Variants in KIF14 observed in about 807,000 individuals in gnomAD.
KIF14 encodes kinesin-like protein KIF14.
In KIF14, 98 loss-of-function variants were observed where a neutral mutation model predicts 176.2. That is an observed-to-expected ratio of 0.56 (90% CI 0.47 to 0.66). The LOEUF (loss-of-function observed/expected upper bound fraction) is 0.66, where lower values mean the gene tolerates loss of function less well. KIF14 is among the 30% of genes least tolerant of loss of function. KIF14 has a pLI of 0.00. For missense variants in KIF14, 1,751 were observed against 1,920.4 expected (o/e 0.91, Z 1.65); for synonymous variants, 566 against 632.2 (o/e 0.90, Z 1.57).
chr1:200,617,847 G>C lies in KIF14; in HGVS notation c.877C>G (p.Leu293Val). The C allele has an allele frequency of 1.9e-6, 3 of 1,614,176 alleles. No homozygotes were observed. The highest frequency in any genetic ancestry group is 2.5e-6 in the Non-Finnish European group (3 of 1,180,026). ...GGAGCTGGGCTCTTAAGCTGAGGCAGGCTGCACTTTGTTGTCAGTTTGTGT... is the reference window on the plus strand; with the variant it reads ...GGAGCTGGGCTCTTAAGCTGAGGCACGCTGCACTTTGTTGTCAGTTTGTGT... ...TEHKLTTKCS[L>V]PQLKSPAPSI... is the part of the protein sequence containing the mutation. The change falls in exon 2 of 30, where the codon CTG becomes GTG. Residue 293 changes from leucine to valine, a missense_variant. By Grantham distance (32) the Leu-to-Val change is conservative (BLOSUM62 1). Coordinates refer to ENST00000367350, the MANE Select transcript of KIF14 (RefSeq NM_014875.3).
At chr1:200,601,196 T>G (rs1659608975) in intron 11 of KIF14, among the ~76,000 whole-genome samples, 1 of 152,160 alleles carries the variant, frequency 6.6e-6, no homozygotes, top group South Asian at 2.1e-4. Flanking sequence ...AATACTTATT[T>G]TTAATGAAAA....
intron 22 of KIF14, among the ~76,000 whole-genome samples, chr1:200,573,076 T>C (rs1657897193): frequency 2.0e-5 from 3 of 152,306 alleles, no homozygotes; most frequent in South Asian, 4.1e-4. Flanking sequence ...CCCACCGTAA[T>C]AGGAGCTTTA....
intron 19 of KIF14, among the ~76,000 whole-genome samples, chr1:200,582,183 T>G (rs1255030771): frequency 6.6e-6 from 1 of 152,104 alleles, no homozygotes; most frequent in East Asian, 1.9e-4. Flanking sequence ...AAGGCTTGCC[T>G]GGGCAATATA....
At chr1:200,605,571 AT>A (rs2102744027) in intron 7 of KIF14, among the ~76,000 whole-genome samples, 181 bp from the exon 8 acceptor site, 1 of 152,014 alleles carries the variant, frequency 6.6e-6, no homozygotes, top group African/African-American at 2.4e-5. Flanking sequence ...AAATGAGTAA[AT>A]ATTTATCTTT....
At chr1:200,578,686 G>A (rs1658267158) in intron 21 of KIF14, among the ~76,000 whole-genome samples, 1 of 151,194 alleles carries the variant, frequency 6.6e-6, no homozygotes, top group African/African-American at 2.4e-5. Flanking sequence ...ATAACAAAAT[G>A]AAACCAACAA....
chr1:200,583,893 G>T (rs975941211), intron 19 of KIF14, among the ~76,000 whole-genome samples: 6 of 150,620 alleles, frequency 4.0e-5, no homozygotes, highest in African/African-American at 1.2e-4. Context: ...AGTGAGCCAA[G>T]ATCACACCAC....
intron 1 of KIF14, among the ~76,000 whole-genome samples, chr1:200,619,843 G>A (rs1411157086): frequency 2.0e-5 from 3 of 152,324 alleles, no homozygotes; most frequent in East Asian, 1.9e-4. Flanking sequence ...AGACAGAGGT[G>A]TATGTAAATA....
At chr1:200,606,845 C>A (rs1659907907) in intron 5 of KIF14, 47 bp from the exon 6 acceptor site, 1 of 1,410,204 alleles carries the variant, frequency 7.1e-7, no homozygotes, top group African/African-American at 1.4e-5. Flanking sequence ...ACAAATATTT[C>A]ATGTAACTTG....
At position 200,565,812 on chromosome 1, in the gene KIF14, T is replaced by G. The variant is rs965988098; in HGVS notation, c.3662-143A>C. ...AAGCATTTTTGTGTTCACTGTGGAA[T>G]TAGAAAAACAAAACTATTAGTATAT... is the stretch of plus-strand genomic sequence containing the variant. On this transcript the variant is annotated intron_variant, in intron 23 of 29. Transcript: ENST00000367350. 11 of 611,380 alleles carry G rather than the reference T, an allele frequency of 1.8e-5. No homozygotes were observed. In the African/African-American group the frequency reaches 2.0e-4, roughly 11 times the overall value. 37.9% of individuals were successfully genotyped at this position (611,380 alleles called of 1,614,324 possible).
intron 22 of KIF14, among the ~76,000 whole-genome samples, chr1:200,572,485 C>T (rs1459310639): frequency 1.3e-5 from 2 of 152,118 alleles, no homozygotes; most frequent in East Asian, 3.8e-4. Flanking sequence ...GCTGGGATTA[C>T]AGGCGCCCAA....
intron 19 of KIF14, among the ~76,000 whole-genome samples, chr1:200,584,941 A>G (rs535780267): frequency 3.1e-4 from 47 of 152,352 alleles, no homozygotes; most frequent in African/African-American, 1.1e-3. Context: ...TCTTATATAT[A>G]GAAAACTCTA....
intron 3 of KIF14, 65 bp downstream of exon 3, chr1:200,615,290 T>G (rs1309860339): frequency 6.9e-7 from 1 of 1,456,826 alleles, no homozygotes; most frequent in African/African-American, 1.4e-5. Flanking sequence ...CTATCACCCC[T>G]ATGCCACTTC....
chr1:200,567,146 G>A (rs1657501530), intron 23 of KIF14, among the ~76,000 whole-genome samples: 2 of 151,364 alleles, frequency 1.3e-5, no homozygotes, highest in African/African-American at 4.9e-5. Flanking sequence ...ACTCCAGCCT[G>A]GGCAAAAAGA....
intron 18 of KIF14, among the ~76,000 whole-genome samples, chr1:200,586,652 A>C (rs1225205744): frequency 6.6e-6 from 1 of 151,314 alleles, no homozygotes; most frequent in Non-Finnish European, 1.5e-5. Context: ...AGAGGAAAAG[A>C]AGTCATTGTA....
At chr1:200,558,807 C>T (rs1339604726) in intron 27 of KIF14, among the ~76,000 whole-genome samples, 1 of 152,136 alleles carries the variant, frequency 6.6e-6, no homozygotes, top group Non-Finnish European at 1.5e-5. Context: ...ATATTAAAAC[C>T]CAGATCTTTC....
chr1:200,565,342 T>A, intron 24 of KIF14, 89 bp from the exon 25 acceptor site: 1 of 1,422,024 alleles, frequency 7.0e-7, no homozygotes, highest in Non-Finnish European at 9.6e-7. Context: ...TTAACACAGT[T>A]AAAAGATGCA....
In KIF14 at chr1:200,581,211, CAT is replaced by C; in HGVS notation, c.3323_3324del (p.Tyr1108CysfsTer6). 1 of 1,555,014 alleles carries C rather than the reference CAT, an allele frequency of 6.4e-7. No individual in the cohort carries two copies. Among genetic ancestry groups the C allele is most frequent in the Non-Finnish European group, 8.7e-7 (1 of 1,149,074 alleles). ...TAATTAATTACTCACCTGCCAAAAA[CAT>C]AGTATGTTTTCAATTTGCTGCTGAT... ...NAISSKLKTY[Y>X]VFGRHDISDK... On this transcript the variant is annotated frameshift_variant, in exon 20 of 30. Transcript: ENST00000367350. LOFTEE classifies it high-confidence loss of function.
intron 6 of KIF14, among the ~76,000 whole-genome samples, chr1:200,606,328 T>A (rs1659878211): frequency 6.6e-6 from 1 of 152,148 alleles, no homozygotes. Flanking sequence ...GAAAAAAAAG[T>A]AAATGACTCC....
At chr1:200,600,238 T>C (rs750826248) in intron 12 of KIF14, 118 bp downstream of exon 12, 19 of 1,206,204 alleles carry the variant, frequency 1.6e-5, no homozygotes, top group Non-Finnish European at 2.3e-5. Context: ...AATCTGGGAG[T>C]GGGCTGCTCT....
Sources: gnomAD v4.1 joint callset for allele counts (sites outside exome capture counted in the v4.1 genomes callset) on GRCh38, gnomAD v4.1.1 for gene constraint, MANE v1.5 for transcripts, NCBI Gene and HGNC (gene_info 2026-07-23, HGNC 2026-07-21) for gene names.